The following SMC1B variants were observed in gnomAD, a reference collection of about 807,000 sequenced individuals.
SMC1B encodes the protein structural maintenance of chromosomes 1B.
In SMC1B, 60 loss-of-function variants were observed where a neutral mutation model predicts 157.9. The observed-to-expected ratio is 0.38, with a 90% CI of 0.31 to 0.47. The LOEUF (loss-of-function observed/expected upper bound fraction) is 0.47. SMC1B is among the 20% of genes least tolerant of loss of function. The pLI, the probability that SMC1B is intolerant of heterozygous loss-of-function variation, is 0.99. For synonymous variants in SMC1B, 445 were observed against 483.0 expected, an observed-to-expected ratio of 0.92 and a Z score of 1.03; for missense variants, 1,165 against 1,426.2, an observed-to-expected ratio of 0.82 and a Z score of 2.95.
At position 45,344,555 on chromosome 22, in the gene SMC1B, C is replaced by T. The variant is rs749832457; in HGVS notation, c.*1G>A. 1.2e-6 allele frequency: 2 copies of T among 1,608,990 alleles called. No homozygotes were observed. The highest frequency in any genetic ancestry group is 1.3e-5 in the African/African-American group (1 of 74,802). On this transcript the variant is annotated 3_prime_UTR_variant, in exon 25 of 25. Transcript: ENST00000357450. Reference sequence around the variant, plus strand: ...ATCAGGTGACTGCTGCAGGACTGCCCCTAGCGGGACTCTCCGTGTCTCTTG... The same window carrying T: ...ATCAGGTGACTGCTGCAGGACTGCCTCTAGCGGGACTCTCCGTGTCTCTTG...
intron 2 of SMC1B, among the ~76,000 whole-genome samples, chr22:45,407,566 A>G (rs757430842): frequency 4.6e-5 from 7 of 151,722 alleles, no homozygotes; most frequent in Non-Finnish European, 7.4e-5. Flanking sequence ...GACTCAAGTC[A>G]TCTTCCCACC....
intron 1 of SMC1B, among the ~76,000 whole-genome samples, chr22:45,410,356 C>T (rs754111223): frequency 6.6e-6 from 1 of 152,126 alleles, no homozygotes; most frequent in South Asian, 2.1e-4. Context: ...GCAGCTGTCA[C>T]CATCACTATT....
Position 45,376,461 on chromosome 22 carries a change from C to T in SMC1B, c.2059-4169G>A, listed in dbSNP as rs551548203. Among the ~76,000 whole-genome samples, 12 of 152,176 alleles carry T rather than the reference C, an allele frequency of 7.9e-5. No homozygotes were observed. In the East Asian group the frequency reaches 2.3e-3, roughly 29 times the overall value. Reference sequence around the variant, plus strand: ...TGATTGACACCTGGATTGCTTCTACCTTTTGGCTATTGTGAATAATGCTGC... The same window carrying T: ...TGATTGACACCTGGATTGCTTCTACTTTTTGGCTATTGTGAATAATGCTGC... On this transcript the variant is annotated intron_variant, in intron 12 of 24. Coordinates refer to ENST00000357450, the MANE Select transcript of SMC1B (RefSeq NM_148674.5).
At chr22:45,397,716 A>G (rs1411622708) in intron 6 of SMC1B, among the ~76,000 whole-genome samples, 1 of 151,944 alleles carries the variant, frequency 6.6e-6, no homozygotes, top group Non-Finnish European at 1.5e-5. Context: ...CTTTTTTTGC[A>G]TACTCACAAA....
intron 9 of SMC1B, among the ~76,000 whole-genome samples, chr22:45,392,937 G>A (rs1397838129): frequency 6.6e-6 from 1 of 152,130 alleles, no homozygotes; most frequent in Non-Finnish European, 1.5e-5. Flanking sequence ...CTGACCTCAG[G>A]TGATCCACCA....
chr22:45,354,989 C>A lies in SMC1B; in HGVS notation c.3088G>T (p.Val1030Phe). ...GTGGACTCTTGAAACTTGTCTCTGACAGTCTTTAAGTTCTCCAGTGCTCGT... is the reference window on the plus strand; with the variant it reads ...GTGGACTCTTGAAACTTGTCTCTGAAAGTCTTTAAGTTCTCCAGTGCTCGT... ...NLRALENLKTVRDKFQESTDA... is the reference protein window; with the variant it reads ...NLRALENLKTFRDKFQESTDA... Residue 1030 changes from valine (V) to phenylalanine (F), a missense_variant, in exon 20 of 25, where the codon GTC (valine) becomes TTC (phenylalanine). Coordinates refer to ENST00000357450, the MANE Select transcript of SMC1B (RefSeq NM_148674.5). 6.2e-7 allele frequency: 1 copy of A among 1,614,158 alleles called. No homozygotes were observed. The highest frequency in any genetic ancestry group is 1.3e-5 in the African/African-American group (1 of 75,044).
chr22:45,392,221 T>A (rs915765023), intron 9 of SMC1B, among the ~76,000 whole-genome samples: 4 of 152,122 alleles, frequency 2.6e-5, no homozygotes, highest in Non-Finnish European at 5.9e-5. Flanking sequence ...AGCGCTGGGA[T>A]TACAGGCACC....
chr22:45,389,600 G>C, intron 10 of SMC1B, 112 bp downstream of exon 10: 2 of 842,342 alleles, frequency 2.4e-6, no homozygotes, highest in Non-Finnish European at 3.7e-6. Flanking sequence ...TGCCTAACTG[G>C]CATCCAAGCT....
At chr22:45,387,375 G>A (rs1356069216) in intron 10 of SMC1B, among the ~76,000 whole-genome samples, 2 of 152,028 alleles carry the variant, frequency 1.3e-5, no homozygotes, top group African/African-American at 2.4e-5. Flanking sequence ...GCTTGAACTT[G>A]GGAGACAGTA....
intron 5 of SMC1B, 140 bp from the exon 6 acceptor site, chr22:45,399,493 C>T: frequency 1.2e-6 from 1 of 804,512 alleles, no homozygotes; most frequent in Admixed American, 3.1e-5. Context: ...TCAATGGTTG[C>T]CAAAGGTTGA....
At chr22:45,348,896 G>A (rs891661756) in intron 23 of SMC1B, among the ~76,000 whole-genome samples, 1 of 151,750 alleles carries the variant, frequency 6.6e-6, no homozygotes, top group Non-Finnish European at 1.5e-5. Flanking sequence ...TAGGGACAAG[G>A]TCTCCTTATG....
At chr22:45,377,374 C>T (rs2086892923) in intron 12 of SMC1B, among the ~76,000 whole-genome samples, 1 of 151,826 alleles carries the variant, frequency 6.6e-6, no homozygotes, top group African/African-American at 2.4e-5. Context: ...CATGGTGGCT[C>T]ATGCCTGTAA....
intron 4 of SMC1B, among the ~76,000 whole-genome samples, chr22:45,406,176 T>A (rs1266346087): frequency 6.6e-6 from 1 of 152,208 alleles, no homozygotes; most frequent in African/African-American, 2.4e-5. Context: ...GGGTTTAATA[T>A]CCAAACATCT....
At chr22:45,407,541 A>G (rs530311387) in intron 2 of SMC1B, among the ~76,000 whole-genome samples, 2 of 151,460 alleles carry the variant, frequency 1.3e-5, no homozygotes, top group Admixed American at 1.3e-4. Context: ...GGCTCACTGT[A>G]TCCTAGACCT....
intron 1 of SMC1B, among the ~76,000 whole-genome samples, chr22:45,409,106 T>C (rs1202055285): frequency 6.6e-6 from 1 of 152,220 alleles, no homozygotes; most frequent in Admixed American, 6.5e-5. Flanking sequence ...AGGTCTAAAT[T>C]TAAGGACTGA....
intron 15 of SMC1B, among the ~76,000 whole-genome samples, chr22:45,363,808 TTTTC>T (rs1435629953): frequency 6.6e-6 from 1 of 152,124 alleles, no homozygotes; most frequent in Non-Finnish European, 1.5e-5. Flanking sequence ...CCTCTCCTCT[TTTTC>T]TTTATGTGTT....
At chr22:45,410,969 C>A (rs572417743) in intron 1 of SMC1B, among the ~76,000 whole-genome samples, 60 of 152,258 alleles carry the variant, frequency 3.9e-4, no homozygotes, top group African/African-American at 1.4e-3. Flanking sequence ...GATAAACATT[C>A]ACTGAATTAA....
intron 12 of SMC1B, among the ~76,000 whole-genome samples, chr22:45,380,696 C>T (rs5765308): frequency 2.6e-5 from 4 of 152,048 alleles, no homozygotes; most frequent in African/African-American, 9.7e-5. Flanking sequence ...AGTGGAAGGA[C>T]TGCTTAAGGC....
In SMC1B at chr22:45,394,779, A is replaced by C. The variant is rs1426319939; in HGVS notation, c.1255-12T>G. ...TGTTTTAGATTTCCCTAAAAGAGGA[A>C]ATAAAATCTAAAATCAATTACGGCA... On this transcript the variant is annotated splice_polypyrimidine_tract_variant and intron_variant, in intron 7 of 24. Coordinates refer to ENST00000357450, the MANE Select transcript of SMC1B (RefSeq NM_148674.5). 1 of 1,511,526 alleles carries C rather than the reference A, an allele frequency of 6.6e-7. No homozygotes were observed. The highest frequency in any genetic ancestry group is 2.4e-5 in the East Asian group (1 of 41,032). 93.6% of individuals were successfully genotyped at this position (1,511,526 alleles called of 1,614,324 possible). A position where few individuals can be genotyped will look rare whatever the true frequency, so the allele number is the denominator to read the frequency against.
Sources: allele counts gnomAD v4.1 joint callset (sites outside exome capture counted in the v4.1 genomes callset), GRCh38; gene constraint gnomAD v4.1.1; transcripts MANE v1.5; gene names NCBI Gene and HGNC (gene_info 2026-07-23, HGNC 2026-07-21).